LARGE1: variants seen among roughly 807,000 people sequenced by gnomAD.
LARGE1 encodes the protein xylosyl- and glucuronyltransferase LARGE1.
LARGE1 carries 43 observed loss-of-function variants against 87.6 expected under a neutral mutation model. The ratio of observed to expected loss-of-function variants is 0.49; its 90% CI spans 0.38 to 0.63. The LOEUF (loss-of-function observed/expected upper bound fraction) is 0.63, where lower values mean the gene tolerates loss of function less well. Among genes scored for constraint, LARGE1 ranks in the 30% least tolerant of loss-of-function variants. LARGE1 has a pLI of 0.00. For synonymous variants in LARGE1, 434 were observed against 394.6 expected (o/e 1.10, Z -1.18); for missense variants, 802 against 1,000.2 (o/e 0.80, Z 2.67).
the LARGE1 span, among the ~76,000 whole-genome samples, chr22:33,089,320 CTTT>C: frequency 1.1e-4 from 12 of 111,486 alleles, no homozygotes; most frequent in South Asian, 1.5e-3. Context: ...CTTCTTTCTT[CTTT>C]CTTCTTCTTC....
At chr22:33,101,285 A>G in the LARGE1 span, among the ~76,000 whole-genome samples, 1 of 152,188 alleles carries the variant, frequency 6.6e-6, no homozygotes, top group Non-Finnish European at 1.5e-5. Context: ...AAATGCTTAT[A>G]TTAAATTTCT....
upstream of LARGE1, among the ~76,000 whole-genome samples, chr22:33,920,605 G>A (rs1296771877): frequency 2.8e-5 from 4 of 145,028 alleles, no homozygotes; most frequent in Non-Finnish European, 6.1e-5. Context: ...GCCTCGCCCC[G>A]GCCTGGGGCG....
Position 33,186,347 on chromosome 22 carries a change from G to T in LARGE1, c.1731-19515C>A, listed in dbSNP as rs1370213838. Among the ~76,000 whole-genome samples, 3 of 152,088 alleles carry T rather than the reference G, an allele frequency of 2.0e-5. No homozygotes were observed. In the East Asian group the frequency reaches 5.8e-4, roughly 29 times the overall value. On this transcript the variant is annotated intron_variant, in intron 11 of 11. Transcript: ENST00000608642. ...AACAAGGTTTATCTCATGAATGCAGGTTTGTCTTAACATTTGAGAAGTAGC... is the reference window on the plus strand; with the variant it reads ...AACAAGGTTTATCTCATGAATGCAGTTTTGTCTTAACATTTGAGAAGTAGC...
At chr22:33,678,309 T>G (rs1012239954) in intron 2 of LARGE1, among the ~76,000 whole-genome samples, 1 of 152,164 alleles carries the variant, frequency 6.6e-6, no homozygotes, top group Non-Finnish European at 1.5e-5. Flanking sequence ...GAAGGAACAA[T>G]ACCTCGAGCT....
At chr22:33,878,568 A>G (rs7290176) in intron 1 of LARGE1, among the ~76,000 whole-genome samples, 87,376 of 152,054 alleles carry the variant, frequency 0.57, 25,206 homozygotes, top group East Asian at 0.66. Context: ...ATATAAATAC[A>G]TTAACTTCAT....
chr22:33,538,077 C>T (rs2077091384), intron 6 of LARGE1, among the ~76,000 whole-genome samples: 2 of 152,154 alleles, frequency 1.3e-5, no homozygotes, highest in Admixed American at 1.3e-4. Context: ...GTCATGGTGC[C>T]TCAAACAGCT....
At chr22:33,171,063 G>C (rs1922545728) in intron 11 of LARGE1, among the ~76,000 whole-genome samples, 1 of 152,304 alleles carries the variant, frequency 6.6e-6, no homozygotes, top group South Asian at 2.1e-4. Flanking sequence ...GGTCACTCTT[G>C]CTATGCTTTA....
At chr22:33,263,122 C>T (rs370788396) in intron 11 of LARGE1, among the ~76,000 whole-genome samples, 1 of 152,062 alleles carries the variant, frequency 6.6e-6, no homozygotes, top group African/African-American at 2.4e-5. Flanking sequence ...TCGAAAACTC[C>T]TGACCTTGTG....
intron 1 of LARGE1, among the ~76,000 whole-genome samples, chr22:33,917,337 G>A (rs1195833061): frequency 6.6e-6 from 1 of 152,222 alleles, no homozygotes; most frequent in Non-Finnish European, 1.5e-5. Context: ...GGCAGTCAGT[G>A]TTCTTCAGGG....
At chr22:33,538,061 C>T (rs1351734635) in intron 6 of LARGE1, among the ~76,000 whole-genome samples, 3 of 152,190 alleles carry the variant, frequency 2.0e-5, no homozygotes, top group Non-Finnish European at 4.4e-5. Context: ...TTATCCACAT[C>T]CACAGGTCAT....
Position 33,710,203 on chromosome 22 carries a change from A to C in LARGE1, c.106+51168T>G, listed in dbSNP as rs556825167. On this transcript the variant is annotated intron_variant, in intron 2 of 14. Transcript: ENST00000397394. Reference sequence around the variant, plus strand: ...CAATTCAAGGAGATTGAAAAAAAAAAACAAAACTTAAGAATGCAGAATAAT... The same window carrying C: ...CAATTCAAGGAGATTGAAAAAAAAACACAAAACTTAAGAATGCAGAATAAT... Among the ~76,000 whole-genome samples, 14 of 152,270 alleles carry C rather than the reference A, an allele frequency of 9.2e-5. No homozygotes were observed. In the East Asian group the frequency reaches 2.5e-3, roughly 27 times the overall value.
chr22:33,896,567 A>T (rs2065150919), intron 1 of LARGE1, among the ~76,000 whole-genome samples: 1 of 152,198 alleles, frequency 6.6e-6, no homozygotes, highest in Non-Finnish European at 1.5e-5. Context: ...GGAAAGTAAA[A>T]GGTGCCCAAG....
At chr22:33,259,463 T>C (rs192470162) in intron 11 of LARGE1, among the ~76,000 whole-genome samples, 1 of 152,116 alleles carries the variant, frequency 6.6e-6, no homozygotes, top group African/African-American at 2.4e-5. Context: ...TCAACTGCCT[T>C]CCATTTCTCT....
At chr22:33,681,269 G>A (rs547737027) in intron 2 of LARGE1, among the ~76,000 whole-genome samples, 13 of 152,310 alleles carry the variant, frequency 8.5e-5, no homozygotes, top group Non-Finnish European at 1.8e-4. Flanking sequence ...TGCAGGGGAT[G>A]ATGTGAATGG....
At chr22:33,833,186 T>G (rs1238858757) in intron 1 of LARGE1, among the ~76,000 whole-genome samples, 1 of 152,230 alleles carries the variant, frequency 6.6e-6, no homozygotes. Flanking sequence ...GATTTGAAAC[T>G]AATGTAATAC....
chr22:33,765,816 G>GA (rs953987806), intron 1 of LARGE1, among the ~76,000 whole-genome samples: 8 of 151,676 alleles, frequency 5.3e-5, no homozygotes, highest in Non-Finnish European at 1.0e-4. Context: ...ATAACACTGG[G>GA]AAAAAAACTC....
intron 1 of LARGE1, among the ~76,000 whole-genome samples, chr22:33,800,717 G>A (rs1413898576): frequency 1.3e-5 from 2 of 152,156 alleles, no homozygotes; most frequent in East Asian, 1.9e-4. Flanking sequence ...GTTATTGCAC[G>A]CATCAAGTTC....
At chr22:33,186,929 T>C (rs1225867031) in intron 11 of LARGE1, among the ~76,000 whole-genome samples, 1 of 152,188 alleles carries the variant, frequency 6.6e-6, no homozygotes, top group East Asian at 1.9e-4. Context: ...TTCTAAATGT[T>C]CAAAGCCATC....
intron 2 of LARGE1, among the ~76,000 whole-genome samples, chr22:33,759,851 G>A (rs73170575): frequency 0.011 from 1,707 of 152,058 alleles, 15 homozygotes; most frequent in Middle Eastern, 0.02. Flanking sequence ...CCCATCCACT[G>A]CCATGGCATA....
Sources: allele counts gnomAD v4.1 joint callset (sites outside exome capture counted in the v4.1 genomes callset), GRCh38; gene constraint gnomAD v4.1.1; transcripts MANE v1.5; gene names NCBI Gene and HGNC (gene_info 2026-07-23, HGNC 2026-07-21).